The following STXBP5L variants were observed in gnomAD, a reference collection of about 807,000 sequenced individuals.
STXBP5L encodes syntaxin-binding protein 5-like.
Under a neutral mutation model 144.5 loss-of-function variants are expected in STXBP5L, and 65 were observed. The observed-to-expected ratio is 0.45, with a 90% CI of 0.37 to 0.55. The LOEUF is 0.55. Among genes scored for constraint, STXBP5L ranks in the 20% least tolerant of loss-of-function variants. STXBP5L has a pLI of 0.00. For synonymous variants in STXBP5L, 505 were observed against 469.6 expected, an observed-to-expected ratio of 1.08 and a Z score of -0.97; for missense variants, 1,298 against 1,405.5, an observed-to-expected ratio of 0.92 and a Z score of 1.22.
intron 3 of STXBP5L, among the ~76,000 whole-genome samples, chr3:121,019,797 C>T (rs1007061711): frequency 6.6e-6 from 1 of 152,178 alleles, no homozygotes; most frequent in African/African-American, 2.4e-5. Flanking sequence ...CAGATCTTCC[C>T]ACTGACATAA....
chr3:121,351,830 G>A (rs532498163), intron 20 of STXBP5L, among the ~76,000 whole-genome samples: 2 of 152,264 alleles, frequency 1.3e-5, no homozygotes, highest in African/African-American at 4.8e-5. Flanking sequence ...TAACATTTAA[G>A]TCTTTAATCT....
chr3:120,929,006 G>A (rs1709782468), intron 2 of STXBP5L, among the ~76,000 whole-genome samples: 1 of 152,026 alleles, frequency 6.6e-6, no homozygotes, highest in Non-Finnish European at 1.5e-5. Context: ...GCTTTGTGGT[G>A]AAAAAAGGGT....
intron 5 of STXBP5L, among the ~76,000 whole-genome samples, chr3:121,105,794 TA>T (rs1343034301): frequency 3.9e-5 from 6 of 152,052 alleles, no homozygotes; most frequent in African/African-American, 7.2e-5. Flanking sequence ...TTTATTTCTG[TA>T]AAAAAAATTC....
At chr3:120,974,467 A>G (rs9880218) in intron 3 of STXBP5L, among the ~76,000 whole-genome samples, 3,158 of 134,290 alleles carry the variant, frequency 0.024, 73 homozygotes, top group Admixed American at 0.055. Context: ...AGTAGGTTGC[A>G]AAAATATTCT....
chr3:121,383,927 G>T (rs992543465), intron 22 of STXBP5L, among the ~76,000 whole-genome samples: 1 of 152,124 alleles, frequency 6.6e-6, no homozygotes, highest in Non-Finnish European at 1.5e-5. Context: ...GGATTTAGGG[G>T]CATTTAGCAC....
At chr3:121,272,574 A>G (rs2108422560) in intron 18 of STXBP5L, among the ~76,000 whole-genome samples, 1 of 152,196 alleles carries the variant, frequency 6.6e-6, no homozygotes, top group South Asian at 2.1e-4. Flanking sequence ...CCATTCAGCC[A>G]CTCTTCCTTT....
At chr3:120,999,317 T>C (rs949110882) in intron 3 of STXBP5L, among the ~76,000 whole-genome samples, 3 of 152,210 alleles carry the variant, frequency 2.0e-5, no homozygotes, top group South Asian at 2.1e-4. Flanking sequence ...CCTTCCAAAG[T>C]GCTGAGATTA....
chr3:121,053,970 G>A (rs1363837318), intron 5 of STXBP5L, among the ~76,000 whole-genome samples: 2 of 152,240 alleles, frequency 1.3e-5, no homozygotes, highest in African/African-American at 2.4e-5. Flanking sequence ...CATTTATGCA[G>A]CCAAAAGACA....
rs528575192 is a variant in STXBP5L at position 121,415,750 on chromosome 3, G to A, written c.3115-107G>A. 16 of 608,260 alleles carry A rather than the reference G, an allele frequency of 2.6e-5. No homozygotes were observed. The African/African-American group carries it at 2.9e-4, about 11-fold the overall frequency. 37.7% of individuals were successfully genotyped at this position (608,260 alleles called of 1,614,324 possible). A position where few individuals can be genotyped will look rare whatever the true frequency, so the allele number is the denominator to read the frequency against. On this transcript the variant is annotated intron_variant, in intron 24 of 26. Coordinates refer to ENST00000471454, the MANE Select transcript of STXBP5L (RefSeq NM_001308330.2). ...AAATCACCATGAAAATATATGAAAAGCAGACTGTTTTTTCATGATGTGTCC... is the reference window on the plus strand; with the variant it reads ...AAATCACCATGAAAATATATGAAAAACAGACTGTTTTTTCATGATGTGTCC...
At chr3:120,976,400 T>A (rs1576543276) in intron 3 of STXBP5L, among the ~76,000 whole-genome samples, 1 of 152,320 alleles carries the variant, frequency 6.6e-6, no homozygotes, top group East Asian at 1.9e-4. Context: ...ATCCCCTCTA[T>A]CATTTTTCAT....
At chr3:121,135,674 C>T (rs372265915) in intron 7 of STXBP5L, among the ~76,000 whole-genome samples, 29 of 152,262 alleles carry the variant, frequency 1.9e-4, no homozygotes, top group Admixed American at 2.6e-4. Context: ...ATGCGAGTGA[C>T]GGGGATCAGC....
At chr3:120,940,534 A>C (rs1326314843) in intron 2 of STXBP5L, among the ~76,000 whole-genome samples, 1 of 151,920 alleles carries the variant, frequency 6.6e-6, no homozygotes, top group Non-Finnish European at 1.5e-5. Context: ...TGAAGCAAGG[A>C]TATTGAAGAC....
At chr3:121,216,182 C>T (rs779969515) in intron 10 of STXBP5L, among the ~76,000 whole-genome samples, 2 of 152,148 alleles carry the variant, frequency 1.3e-5, no homozygotes, top group Non-Finnish European at 1.5e-5. Context: ...ACCTCTGAAG[C>T]CTACATCTTT....
At chr3:120,959,997 A>G (rs1399254299) in intron 3 of STXBP5L, among the ~76,000 whole-genome samples, 10 of 152,336 alleles carry the variant, frequency 6.6e-5, no homozygotes, top group African/African-American at 2.2e-4. Flanking sequence ...AATTTTTGCA[A>G]TCTACCTATC....
At chr3:121,219,871 C>A (rs1206076443) in intron 10 of STXBP5L, among the ~76,000 whole-genome samples, 2 of 152,028 alleles carry the variant, frequency 1.3e-5, no homozygotes, top group Non-Finnish European at 2.9e-5. Flanking sequence ...CATAAATACT[C>A]AATATATGTT....
At chr3:121,080,983 C>T (rs552326852) in intron 5 of STXBP5L, among the ~76,000 whole-genome samples, 84 of 152,236 alleles carry the variant, frequency 5.5e-4, no homozygotes, top group Middle Eastern at 3.4e-3. Context: ...TTTCTTCTTC[C>T]TCAGGACACC....
chr3:121,335,751 C>A (rs2044483558), intron 20 of STXBP5L, among the ~76,000 whole-genome samples: 1 of 152,054 alleles, frequency 6.6e-6, no homozygotes, highest in Non-Finnish European at 1.5e-5. Flanking sequence ...TTCTTTACAC[C>A]ACATACGAAA....
At chr3:121,115,173 G>C in intron 6 of STXBP5L, 114 bp downstream of exon 6, 1 of 1,068,946 alleles carries the variant, frequency 9.4e-7, no homozygotes, top group East Asian at 3.0e-5. Flanking sequence ...TAATGAATTT[G>C]AGTGAAAAGT....
At chr3:120,965,447 G>C (rs1160706742) in intron 3 of STXBP5L, among the ~76,000 whole-genome samples, 2 of 152,112 alleles carry the variant, frequency 1.3e-5, no homozygotes, top group African/African-American at 2.4e-5. Flanking sequence ...GTGCTTCCTT[G>C]AGGAGCTCTT....
Sources: allele counts gnomAD v4.1 joint callset (sites outside exome capture counted in the v4.1 genomes callset), GRCh38; gene constraint gnomAD v4.1.1; transcripts MANE v1.5; gene names NCBI Gene and HGNC (gene_info 2026-07-23, HGNC 2026-07-21).